Variants in PDGFRB observed in about 807,000 individuals in gnomAD.
PDGFRB encodes platelet derived growth factor receptor beta.
A neutral mutation model predicts 120.2 loss-of-function variants in PDGFRB; 42 were observed. The observed-to-expected ratio is 0.35, with a 90% CI of 0.27 to 0.45. The LOEUF (loss-of-function observed/expected upper bound fraction) is 0.45, where lower values mean the gene tolerates loss of function less well. Among genes scored for constraint, PDGFRB ranks in the 20% least tolerant of loss-of-function variants. The pLI, the probability that PDGFRB is intolerant of heterozygous loss-of-function variation, is 1.00. For missense variants in PDGFRB, 1,149 were observed against 1,476.3 expected, an observed-to-expected ratio of 0.78 and a Z score of 3.63; for synonymous variants, 586 against 606.8, an observed-to-expected ratio of 0.97 and a Z score of 0.50.
In PDGFRB at chr5:150,115,539, T is replaced by C; in HGVS notation, c.*224A>G. 4.9e-6 allele frequency: 2 copies of C among 407,054 alleles called. No homozygotes were observed. 25.2% of individuals were successfully genotyped at this position (407,054 alleles called of 1,614,324 possible). Reference sequence around the variant, plus strand: ...GGGGGAACCCTGGCTCAGAGTCAGTTGGCCTCCCTGGAGGCAGAGGGCTGG... The same window carrying C: ...GGGGGAACCCTGGCTCAGAGTCAGTCGGCCTCCCTGGAGGCAGAGGGCTGG... On this transcript the variant is annotated 3_prime_UTR_variant, in exon 23 of 23. Coordinates refer to ENST00000261799, the MANE Select transcript of PDGFRB (RefSeq NM_002609.4).
chr5:150,132,664 T>C lies in PDGFRB; in HGVS notation c.1127+86A>G. ...TAATATGCTCTCAGAAAGCTGGGCC[T>C]AGGTTTGTGGCTGAAAGCCGAGGGC... On this transcript the variant is annotated intron_variant, in intron 7 of 22. Coordinates refer to ENST00000261799, the MANE Select transcript of PDGFRB (RefSeq NM_002609.4). The surrounding 1 kb of genome is among the most constrained non-coding windows in gnomAD (Gnocchi z 5.0). The C allele has an allele frequency of 7.6e-7, 1 of 1,319,260 alleles. No homozygotes were observed. Among genetic ancestry groups the C allele is most frequent in the Non-Finnish European group, 1.0e-6 (1 of 961,440 alleles). The allele number at this position is 1,319,260 out of a possible 1,614,324, so 81.7% of individuals were successfully genotyped here.
chr5:150,152,064 G>A (rs902326847), intron 1 of PDGFRB, among the ~76,000 whole-genome samples: 45 of 151,798 alleles, frequency 3.0e-4, no homozygotes, highest in African/African-American at 1.0e-3. Context: ...GCACCACCAC[G>A]TCTGGCTAAT....
In PDGFRB at chr5:150,119,258, C is replaced by T. The variant is rs3733676; in HGVS notation, c.2798+209G>A. 0.047 allele frequency among the ~76,000 whole-genome samples: 7,120 copies of T among 152,224 alleles called. 345 individuals are homozygous for T. The highest frequency in any genetic ancestry group is 0.26 in the East Asian group (1,320 of 5,164). ...CTGGTAGCCATTTGGGCAATGCTGG[C>T]CTGAAAATGAGGCCACACAGAGCAA... On this transcript the variant is annotated intron_variant, in intron 20 of 22. Coordinates refer to ENST00000261799, the MANE Select transcript of PDGFRB (RefSeq NM_002609.4).
At chr5:150,147,547 C>G (rs1760959047) in intron 1 of PDGFRB, among the ~76,000 whole-genome samples, 1 of 152,324 alleles carries the variant, frequency 6.6e-6, no homozygotes, top group African/African-American at 2.4e-5. Flanking sequence ...CCTTCCCCCA[C>G]AGGCCCAGGG....
intron 10 of PDGFRB, among the ~76,000 whole-genome samples, chr5:150,127,874 C>T (rs1760344482): frequency 6.7e-6 from 1 of 149,092 alleles, no homozygotes; most frequent in Non-Finnish European, 1.5e-5. Context: ...GGATGCTTCC[C>T]CATGTTATCA....
chr5:150,129,664 T>G, intron 10 of PDGFRB, 93 bp downstream of exon 10: 1 of 1,033,398 alleles, frequency 9.7e-7, no homozygotes, highest in Non-Finnish European at 1.4e-6. Flanking sequence ...GCTAACTCCT[T>G]TGGCCTGCTG....
rs1204706180 is a variant in PDGFRB at position 150,135,801 on chromosome 5, G to T, written c.118C>A (p.Pro40Thr). 1 of 1,595,234 alleles carries T rather than the reference G, an allele frequency of 6.3e-7. No homozygotes were observed. Among genetic ancestry groups the T allele is most frequent in the Admixed American group, 1.7e-5 (1 of 57,582 alleles). Residue 40 changes from proline (P) to threonine (T), a missense_variant, in exon 3 of 23, where the codon CCA (proline) becomes ACA (threonine). This residue lies in a region of PDGFRB where 879 missense variants were observed against 1,108.6 expected (regional missense o/e 0.79). Transcript: ENST00000261799. Reference protein sequence around the residue: ...SQGLVVTPPGPELVLNVSSTF... With the variant: ...SQGLVVTPPGTELVLNVSSTF... ...CTGGAGACATTGAGGACAAGCTCTGGCCCCGGGGGTGTGACGACCAGGCCC... is the reference window on the plus strand; with the variant it reads ...CTGGAGACATTGAGGACAAGCTCTGTCCCCGGGGGTGTGACGACCAGGCCC...
chr5:150,136,339 G>C lies in PDGFRB; in HGVS notation c.41-461C>G, dbSNP rs189581533. Among the ~76,000 whole-genome samples the C allele has an allele frequency of 1.1e-3, 171 of 152,322 alleles. 2 individuals carry two copies. Among genetic ancestry groups the C allele is most frequent in the African/African-American group, 3.9e-3 (162 of 41,570 alleles). ...AGGGAGGGGCTTAGGTAGCTCAGAG[G>C]GGGGCCAGAAAAGATGCTGAGGCCC... On this transcript the variant is annotated intron_variant, in intron 2 of 22. Transcript: ENST00000261799.
intron 1 of PDGFRB, among the ~76,000 whole-genome samples, chr5:150,147,078 G>A (rs886940120): frequency 3.3e-5 from 5 of 152,140 alleles, no homozygotes; most frequent in African/African-American, 9.7e-5. Context: ...GTGCTCCTGC[G>A]GGATACAGCA....
rs138503670 is a variant in PDGFRB, at chr5:150,154,336, C to T, written c.-7+1061G>A. Reference sequence around the variant, plus strand: ...GGCCCAAGTTTGGAGTAATGGGGCACGGGGAGATTCCAACCTCTCCAGGCT... The same window carrying T: ...GGCCCAAGTTTGGAGTAATGGGGCATGGGGAGATTCCAACCTCTCCAGGCT... On this transcript the variant is annotated intron_variant, in intron 1 of 22. Transcript: ENST00000261799. 1.8e-3 allele frequency among the ~76,000 whole-genome samples: 269 copies of T among 152,188 alleles called. 2 individuals are homozygous for T. Among genetic ancestry groups the T allele is most frequent in the African/African-American group, 4.9e-3 (205 of 41,518 alleles).
In PDGFRB at chr5:150,123,082, G is replaced by A. The variant is rs1561992847; in HGVS notation, c.2143C>T (p.Leu715Phe). 6 of 1,613,706 alleles carry A rather than the reference G, an allele frequency of 3.7e-6. No individual in the cohort carries two copies. Among genetic ancestry groups the A allele is most frequent in the Non-Finnish European group, 5.1e-6 (6 of 1,180,010 alleles). ...CCAACGGGCAGAGCATTGCTGTAGA[G>A]CTCCGCGCTGGGCGGGCGGCGCTTG... The part of the protein sequence containing the change: ...SDKRRPPSAE[L>F]YSNALPVGLP... The change falls in exon 15 of 23, where the codon CTC becomes TTC. Residue 715 changes from leucine (L) to phenylalanine (F), a missense_variant. Transcript: ENST00000261799.
rs944389923 is a variant in PDGFRB at position 150,125,311 on chromosome 5, T to C, written c.1807+134A>G. 6 of 670,136 alleles carry C rather than the reference T, an allele frequency of 9.0e-6. No individual in the cohort carries two copies. In the South Asian group the frequency reaches 1.2e-4, roughly 14 times the overall value. 41.5% of individuals were successfully genotyped at this position (670,136 alleles called of 1,614,324 possible). On this transcript the variant is annotated intron_variant, in intron 12 of 22. Coordinates refer to ENST00000261799, the MANE Select transcript of PDGFRB (RefSeq NM_002609.4). Reference sequence around the variant, plus strand: ...TGCTCTCATTGTACATAGTAGGAGATGGAGGGCCAGAGAAGGCAAGACACC... The same window carrying C: ...TGCTCTCATTGTACATAGTAGGAGACGGAGGGCCAGAGAAGGCAAGACACC...
rs367993439 is a variant in PDGFRB, at chr5:150,135,729, G to A, written c.190C>T (p.Arg64Trp). The A allele has an allele frequency of 5.6e-6, 9 of 1,614,112 alleles. No homozygotes were observed. Among genetic ancestry groups the A allele is most frequent in the Middle Eastern group, 1.6e-4 (1 of 6,062 alleles). ...TCCTGTGGGGGCTCCTGGGACATCC[G>A]TTCCCACACCACCGGAGCTGAACCC... ...CSGSAPVVWE[R>W]MSQEPPQEMA... The change falls in exon 3 of 23, where the codon CGG becomes TGG. Residue 64 changes from arginine (R) to tryptophan (W), a missense_variant. Coordinates refer to ENST00000261799, the MANE Select transcript of PDGFRB (RefSeq NM_002609.4).
chr5:150,152,818 G>A (rs1264768578), intron 1 of PDGFRB, among the ~76,000 whole-genome samples: 3 of 152,226 alleles, frequency 2.0e-5, no homozygotes, highest in South Asian at 2.1e-4. Context: ...GGTTCTCTCA[G>A]CCAGTGGCCA....
intron 1 of PDGFRB, among the ~76,000 whole-genome samples, 192 bp downstream of exon 1, chr5:150,155,205 G>C (rs1296538982): frequency 6.6e-6 from 1 of 151,962 alleles, no homozygotes; most frequent in Non-Finnish European, 1.5e-5. Flanking sequence ...TCACCCCAGA[G>C]CAGGGGAAAG....
At chr5:150,134,203 G>C (rs1760558917) in intron 4 of PDGFRB, 195 bp from the exon 5 acceptor site, 2 of 602,364 alleles carry the variant, frequency 3.3e-6, no homozygotes, top group African/African-American at 1.8e-5. Flanking sequence ...AGTGAACAAA[G>C]TGGACAAAAT....
At chr5:150,117,527 A>AGTGT in intron 22 of PDGFRB, 91 bp downstream of exon 22, 2 of 555,916 alleles carry the variant, frequency 3.6e-6, no homozygotes, top group Non-Finnish European at 3.2e-6. Flanking sequence ...CAAACCTGGC[A>AGTGT]GCGCGCGCGC....
chr5:150,118,965 CTGGAGGGAAGTGG>C (rs1760049893), intron 20 of PDGFRB, 113 bp from the exon 21 acceptor site: 3 of 678,532 alleles, frequency 4.4e-6, no homozygotes. Flanking sequence ...TGGAAAGGAG[CTGGAGGGAAGTGG>C]TGGCTGGGTG....
At chr5:150,124,131 T>C in intron 14 of PDGFRB, 119 bp downstream of exon 14, 2 of 609,282 alleles carry the variant, frequency 3.3e-6, no homozygotes, top group Non-Finnish European at 2.9e-6. Context: ...CTGGAGCGGG[T>C]GGGCACGGAC....
Sources: gnomAD v4.1 joint callset for allele counts (sites outside exome capture counted in the v4.1 genomes callset) on GRCh38, gnomAD v4.1.1 for gene constraint, gnomAD v4.1.1 regional missense constraint, Gnocchi (gnomAD v3.1) non-coding constraint, MANE v1.5 for transcripts, NCBI Gene and HGNC (gene_info 2026-07-23, HGNC 2026-07-21) for gene names.